RIMS2: variants seen among roughly 807,000 people sequenced by gnomAD.
RIMS2 encodes the protein regulating synaptic membrane exocytosis 2.
Under a neutral mutation model 174.4 loss-of-function variants are expected in RIMS2, and 59 were observed. The observed-to-expected ratio is 0.34, with a 90% CI of 0.27 to 0.42. The LOEUF (loss-of-function observed/expected upper bound fraction) is 0.42, where lower values mean the gene tolerates loss of function less well. RIMS2 is among the 10% of genes least tolerant of loss of function. The pLI is 1.00. For missense variants in RIMS2, 1,620 were observed against 1,666.3 expected (o/e 0.97, Z 0.48); for synonymous variants, 606 against 572.5 (o/e 1.06, Z -0.84).
chr8:104,245,270 G>A (rs1370152729), intron 20 of RIMS2, among the ~76,000 whole-genome samples: 1 of 152,228 alleles, frequency 6.6e-6, no homozygotes, highest in Non-Finnish European at 1.5e-5. Context: ...GGGATAAAGT[G>A]TTTTGCCTTA....
chr8:104,225,384 A>C (rs1351642739), intron 19 of RIMS2, among the ~76,000 whole-genome samples: 3 of 152,202 alleles, frequency 2.0e-5, no homozygotes, highest in Admixed American at 1.3e-4. Flanking sequence ...CTACATTCAC[A>C]TACATAGTAA....
intron 3 of RIMS2, among the ~76,000 whole-genome samples, chr8:103,875,704 T>G (rs555942647): frequency 1.1e-4 from 17 of 152,260 alleles, no homozygotes; most frequent in African/African-American, 3.6e-4. Context: ...CCATAGAGGC[T>G]GTACTAATTT....
chr8:104,043,202 A>T (rs200998951), intron 19 of RIMS2, among the ~76,000 whole-genome samples: 55 of 85,330 alleles, frequency 6.4e-4, no homozygotes, highest in African/African-American at 3.1e-3. Context: ...GATGGAAAAG[A>T]AAAAAATGAA....
chr8:103,708,345 T>C lies in RIMS2; in HGVS notation c.387+11049T>C, dbSNP rs552425933. ...TGTGGAATTCTGCCTGGTGTTAATG[T>C]TCCACTCTAAGCATATATTCTTTCC... On this transcript the variant is annotated intron_variant, in intron 2 of 23. Transcript: ENST00000504942. Among the ~76,000 whole-genome samples the C allele has an allele frequency of 2.0e-5, 3 of 152,318 alleles. No individual in the cohort carries two copies. The East Asian group carries it at 5.8e-4, about 29-fold the overall frequency.
chr8:104,135,595 G>C (rs2098511866), intron 19 of RIMS2, among the ~76,000 whole-genome samples: 1 of 124,370 alleles, frequency 8.0e-6, no homozygotes. Flanking sequence ...GCCAGAGTGA[G>C]ACCTTGTCTC....
Position 103,933,288 on chromosome 8 carries a change from G to GACACACACACACACAC in RIMS2, c.2375+1927_2375+1942dup, listed in dbSNP as rs55909886. 1.9e-3 allele frequency among the ~76,000 whole-genome samples: 231 copies of GACACACACACACACAC among 119,736 alleles called. 3 individuals carry two copies. Among genetic ancestry groups the GACACACACACACACAC allele is most frequent in the African/African-American group, 6.3e-3 (178 of 28,304 alleles). The allele number at this position is 119,736 out of a possible 152,430, so 78.6% of individuals were successfully genotyped here. A position where few individuals can be genotyped will look rare whatever the true frequency, so the allele number is the denominator to read the frequency against. The stretch of plus-strand genomic sequence containing the variant: ...AGCCTGGGCAACAGATCGAGACTCT[G>GACACACACACACACAC]ACACACACACACACACACACACACA... On this transcript the variant is annotated intron_variant, in intron 12 of 23. Transcript: ENST00000504942.
intron 19 of RIMS2, among the ~76,000 whole-genome samples, chr8:104,086,691 C>T (rs1027332034): frequency 3.9e-5 from 6 of 152,062 alleles, no homozygotes; most frequent in East Asian, 1.9e-4. Flanking sequence ...CTTCGACTAC[C>T]GCTTTTTACT....
At chr8:103,610,479 G>T (rs1257566535) in intron 1 of RIMS2, among the ~76,000 whole-genome samples, 1 of 152,134 alleles carries the variant, frequency 6.6e-6, no homozygotes, top group Non-Finnish European at 1.5e-5. Flanking sequence ...GTCATAGATG[G>T]TTCTTATTAT....
At chr8:104,135,158 C>A (rs562144497) in intron 19 of RIMS2, among the ~76,000 whole-genome samples, 9 of 152,032 alleles carry the variant, frequency 5.9e-5, no homozygotes, top group Non-Finnish European at 8.8e-5. Context: ...GAGAGGAAAG[C>A]AGAAGGTGAG....
chr8:103,717,480 A>G (rs1021858520), intron 2 of RIMS2, among the ~76,000 whole-genome samples: 3 of 152,162 alleles, frequency 2.0e-5, no homozygotes, highest in East Asian at 1.9e-4. Context: ...CTGACTCACA[A>G]GTAGCATAAT....
At chr8:103,873,719 A>G (rs2099122986) in intron 3 of RIMS2, among the ~76,000 whole-genome samples, 1 of 152,082 alleles carries the variant, frequency 6.6e-6, no homozygotes, top group South Asian at 2.1e-4. Flanking sequence ...TCATTAAGTG[A>G]CTATTTTTGC....
At chr8:103,918,412 G>T (rs774621189) in intron 8 of RIMS2, 29 bp from the exon 12 acceptor site, 63 of 1,386,136 alleles carry the variant, frequency 4.5e-5, no homozygotes, top group Non-Finnish European at 5.5e-5. Flanking sequence ...AACAGTTTCT[G>T]TCTTTCTTTT....
intron 19 of RIMS2, among the ~76,000 whole-genome samples, chr8:104,167,013 A>C (rs927768188): frequency 6.6e-6 from 1 of 151,962 alleles, no homozygotes; most frequent in Non-Finnish European, 1.5e-5. Context: ...ACATTTATCT[A>C]CTCATTGGTT....
intron 3 of RIMS2, among the ~76,000 whole-genome samples, chr8:103,842,634 G>A (rs900191620): frequency 3.3e-5 from 5 of 152,126 alleles, no homozygotes; most frequent in African/African-American, 9.7e-5. Flanking sequence ...TTTCCCAAAA[G>A]GTAAATACAT....
At chr8:103,874,147 C>G (rs966821820) in intron 3 of RIMS2, among the ~76,000 whole-genome samples, 4 of 151,798 alleles carry the variant, frequency 2.6e-5, no homozygotes, top group African/African-American at 7.3e-5. Context: ...TGACTTATGC[C>G]CTTAAATTGT....
chr8:103,566,077 G>A (rs2092317508), intron 1 of RIMS2, among the ~76,000 whole-genome samples: 2 of 152,178 alleles, frequency 1.3e-5, no homozygotes, highest in East Asian at 1.9e-4. Flanking sequence ...GGTATACCTG[G>A]AACTGTCATG....
intron 19 of RIMS2, among the ~76,000 whole-genome samples, chr8:104,166,257 G>GAA (rs2098797454): frequency 6.6e-6 from 1 of 151,284 alleles, no homozygotes. Flanking sequence ...TAGTAGAGGC[G>GAA]GGGTTTCACT....
At chr8:103,899,045 A>C (rs2099311326) in intron 4 of RIMS2, among the ~76,000 whole-genome samples, 1 of 151,736 alleles carries the variant, frequency 6.6e-6, no homozygotes, top group African/African-American at 2.4e-5. Context: ...TACAAAGGAC[A>C]TGAACTCATC....
At chr8:103,606,503 G>A (rs1442448596) in intron 1 of RIMS2, among the ~76,000 whole-genome samples, 2 of 152,172 alleles carry the variant, frequency 1.3e-5, no homozygotes, top group East Asian at 1.9e-4. Context: ...GAGTTCTGTA[G>A]ATGTCTATTA....
Sources: allele counts gnomAD v4.1 joint callset (sites outside exome capture counted in the v4.1 genomes callset), GRCh38; gene constraint gnomAD v4.1.1; transcripts MANE v1.5; gene names NCBI Gene and HGNC (gene_info 2026-07-23, HGNC 2026-07-21).